The following GAK variants were observed in gnomAD, a reference collection of about 807,000 sequenced individuals.
GAK encodes the protein cyclin-G-associated kinase.
A neutral mutation model predicts 143.9 loss-of-function variants in GAK; 79 were observed. That is an observed-to-expected ratio of 0.55 (90% CI 0.46 to 0.66). The LOEUF (loss-of-function observed/expected upper bound fraction) is 0.66. Among genes scored for constraint, GAK ranks in the 30% least tolerant of loss-of-function variants. The pLI is 0.00. For synonymous variants in GAK, 881 were observed against 765.5 expected (o/e 1.15, Z -2.49); for missense variants, 1,693 against 1,779.7 (o/e 0.95, Z 0.88).
rs548958832 is a variant in GAK, at chr4:911,598, G to A, written c.382+75C>T. On this transcript the variant is annotated intron_variant, in intron 4 of 27. Coordinates refer to ENST00000314167, the MANE Select transcript of GAK (RefSeq NM_005255.4). ...GATGCCGGGCATGTTTCACAGCCATGCAGCTGGGTTAGGAGGCATCAAGCC... is the reference window on the plus strand; with the variant it reads ...GATGCCGGGCATGTTTCACAGCCATACAGCTGGGTTAGGAGGCATCAAGCC... 1.2e-4 allele frequency: 112 copies of A among 973,266 alleles called. No homozygotes were observed. In the East Asian group the frequency reaches 2.5e-3, roughly 22 times the overall value. 60.3% of individuals were successfully genotyped at this position (973,266 alleles called of 1,614,324 possible). A position where few individuals can be genotyped will look rare whatever the true frequency, so the allele number is the denominator to read the frequency against.
intron 4 of GAK, among the ~76,000 whole-genome samples, chr4:909,041 T>A (rs115448944): frequency 0.053 from 8,042 of 152,236 alleles, 315 homozygotes; most frequent in Middle Eastern, 0.099. Context: ...GAGACGGGGT[T>A]TAGCCATGTT....
chr4:859,215 G>C (rs1296746649), intron 24 of GAK: 2 of 1,184,260 alleles, frequency 1.7e-6, no homozygotes, highest in Non-Finnish European at 2.1e-6. Flanking sequence ...GACTGGAGAG[G>C]GTGGGCTCGG....
chr4:849,821 C>CGGGGGGGGGGG, intron 27 of GAK, 47 bp from the exon 28 acceptor site: 6 of 1,435,252 alleles, frequency 4.2e-6, no homozygotes, highest in African/African-American at 1.5e-5. Flanking sequence ...CATGCGGGGG[C>CGGGGGGGGGGG]GGGCGGGGCA....
chr4:904,504 T>C (rs1183099158), intron 5 of GAK, 133 bp downstream of exon 5: 2 of 787,500 alleles, frequency 2.5e-6, no homozygotes, highest in Non-Finnish European at 3.8e-6. Context: ...GGGCGGCTCC[T>C]AACCGAGCGG....
At chr4:892,215 C>A (rs1303259269) in intron 9 of GAK, among the ~76,000 whole-genome samples, 2 of 152,210 alleles carry the variant, frequency 1.3e-5, no homozygotes, top group Non-Finnish European at 2.9e-5. Context: ...ACTGCAGTGG[C>A]CCCTGGAAGT....
In GAK at chr4:882,754, C is replaced by T. The variant is rs150848070; in HGVS notation, c.1470G>A (p.Arg490=). 2 of 1,612,468 alleles carry T rather than the reference C, an allele frequency of 1.2e-6. No individual in the cohort carries two copies. The highest frequency in any genetic ancestry group is 1.3e-5 in the African/African-American group (1 of 74,938). ...CCTGCCGCAGCCAGGCGTGCATGTTCCTGCAGATGTTGTACAGGGTGTGCA... is the reference window on the plus strand; with the variant it reads ...CCTGCCGCAGCCAGGCGTGCATGTTTCTGCAGATGTTGTACAGGGTGTGCA... ...PHLHTLYNIC[R]NMHAWLRQDH... is the part of the protein sequence containing the mutation. Residue 490 remains arginine (R), a synonymous_variant, in exon 14 of 28, where the codon AGG becomes AGA. Transcript: ENST00000314167.
chr4:882,397 C>T (rs548289240), intron 14 of GAK, among the ~76,000 whole-genome samples: 15 of 152,282 alleles, frequency 9.9e-5, no homozygotes, highest in Admixed American at 4.6e-4. Context: ...GATCGGGAAA[C>T]TGGAAGTGAC....
At chr4:925,888 C>T (rs1168446336) in intron 1 of GAK, among the ~76,000 whole-genome samples, 1 of 152,200 alleles carries the variant, frequency 6.6e-6, no homozygotes, top group East Asian at 1.9e-4. Context: ...CGGACTGGGA[C>T]ACGGGGATGC....
In GAK at chr4:923,209, A is replaced by G. The variant is rs369065034; in HGVS notation, c.145+8834T>C. Among the ~76,000 whole-genome samples, 6 of 152,202 alleles carry G rather than the reference A, an allele frequency of 3.9e-5. No homozygotes were observed. The South Asian group carries it at 1.0e-3, about 26-fold the overall frequency. On this transcript the variant is annotated intron_variant, in intron 1 of 27. Coordinates refer to ENST00000314167, the MANE Select transcript of GAK (RefSeq NM_005255.4). Reference sequence around the variant, plus strand: ...GAAACCAGGCAAGGGTCTAAAATAGAAAAGATCTCCATCTTTTCTCACAGC... The same window carrying G: ...GAAACCAGGCAAGGGTCTAAAATAGGAAAGATCTCCATCTTTTCTCACAGC...
At chr4:857,061 G>A (rs932428257) in intron 24 of GAK, among the ~76,000 whole-genome samples, 2 of 152,178 alleles carry the variant, frequency 1.3e-5, no homozygotes, top group South Asian at 2.1e-4. Flanking sequence ...AAGTAATTAC[G>A]GTTTTTGTGA....
At chr4:920,539 A>ATTTTTTTTTTTTTTTTTTTTTTTT (rs34176109) in intron 1 of GAK, among the ~76,000 whole-genome samples, 2 of 129,600 alleles carry the variant, frequency 1.5e-5, no homozygotes, top group African/African-American at 3.0e-5. Flanking sequence ...GTTTAGAGCC[A>ATTTTTTTTTTTTTTTTTTTTTTTT]TTTTTTTTTT....
chr4:855,783 T>A (rs1024121402), intron 24 of GAK, among the ~76,000 whole-genome samples: 1 of 152,132 alleles, frequency 6.6e-6, no homozygotes, highest in African/African-American at 2.4e-5. Context: ...GGTGAAACCA[T>A]GTCTCTACTA....
rs530867821 is a variant in GAK, at chr4:900,057, T to C, written c.526-1899A>G. On this transcript the variant is annotated intron_variant, in intron 5 of 27. Transcript: ENST00000314167. ...AAAAGATCAGCGACCCTGGCTCGGA[T>C]GCAGAGCACACAGCGGGGAGATGCA... Among the ~76,000 whole-genome samples, 6 of 152,370 alleles carry C rather than the reference T, an allele frequency of 3.9e-5. No homozygotes were observed. The East Asian group carries it at 9.6e-4, about 24-fold the overall frequency.
intron 8 of GAK, 28 bp downstream of exon 8, chr4:893,833 TCCAGGGTCCTGCC>T: frequency 6.5e-7 from 1 of 1,532,064 alleles, no homozygotes; most frequent in East Asian, 2.4e-5. Flanking sequence ...GGGTCTGTGC[TCCAGGGTCCTGCC>T]CCACGCACGC....
chr4:866,822 C>A, intron 21 of GAK, 134 bp downstream of exon 21: 1 of 734,894 alleles, frequency 1.4e-6, no homozygotes, highest in Non-Finnish European at 2.2e-6. Context: ...CCCGAGGCTG[C>A]TCCTGGGGGA....
At chr4:899,453 C>T (rs1474302473) in intron 5 of GAK, among the ~76,000 whole-genome samples, 3 of 151,998 alleles carry the variant, frequency 2.0e-5, no homozygotes, top group East Asian at 1.9e-4. Context: ...TCCGAGAGGG[C>T]AGCACACCAG....
rs1250732692 is a variant in GAK, at chr4:883,512, G to C, written c.1256-49C>G. On this transcript the variant is annotated intron_variant, in intron 12 of 27. Transcript: ENST00000314167. The stretch of plus-strand genomic sequence containing the variant: ...GCACCTGGGAGATGCGCACCTCGTG[G>C]CCAGGCTGCTGCTGCGGCCTCGCTG... 3.7e-6 allele frequency: 6 copies of C among 1,601,166 alleles called. No individual in the cohort carries two copies. The African/African-American group carries it at 8.0e-5, about 21-fold the overall frequency.
At position 856,629 on chromosome 4, in the gene GAK, TCAC is replaced by T. The variant is rs151161781; in HGVS notation, c.3283+2974_3283+2976del. ...GCTCACCACAGGTGCTCACACCTGC[TCAC>T]CACAGCTGCTCACACCTGCTCACCA... On this transcript the variant is annotated intron_variant, in intron 24 of 27. Coordinates refer to ENST00000314167, the MANE Select transcript of GAK (RefSeq NM_005255.4). Among the ~76,000 whole-genome samples, 76 of 118,992 alleles carry T rather than the reference TCAC, an allele frequency of 6.4e-4. 2 individuals are homozygous for T. In the Middle Eastern group the frequency reaches 0.043, roughly 67 times the overall value. 78.1% of individuals were successfully genotyped at this position (118,992 alleles called of 152,430 possible).
In GAK at chr4:877,091, T is replaced by C. The variant is rs932106890; in HGVS notation, c.1973A>G (p.Lys658Arg). The C allele has an allele frequency of 1.9e-6, 3 of 1,608,910 alleles. No homozygotes were observed. Among genetic ancestry groups the C allele is most frequent in the Non-Finnish European group, 2.6e-6 (3 of 1,175,578 alleles). ...RSTLGGRLQA[K>R]MASMKMFQIQ... is the part of the protein sequence containing the mutation. Reference sequence around the variant, plus strand: ...CGGGCAAGCCACAGGCTCTCTCACCTTGGCCTGCAGCCGGCCGCCCAGAGT... The same window carrying C: ...CGGGCAAGCCACAGGCTCTCTCACCCTGGCCTGCAGCCGGCCGCCCAGAGT... Residue 658 changes from lysine (K) to arginine (R), a missense_variant and splice_region_variant, in exon 17 of 28, where the codon AAG becomes AGG. By Grantham distance (26) the Lys-to-Arg change is conservative. Coordinates refer to ENST00000314167, the MANE Select transcript of GAK (RefSeq NM_005255.4).
Sources: gnomAD v4.1 joint callset for allele counts (sites outside exome capture counted in the v4.1 genomes callset) on GRCh38, gnomAD v4.1.1 for gene constraint, MANE v1.5 for transcripts, NCBI Gene and HGNC (gene_info 2026-07-23, HGNC 2026-07-21) for gene names.